Variants in ACYP2 observed in about 807,000 individuals in gnomAD.
The protein encoded by ACYP2 is acylphosphatase 2.
ACYP2 carries 12 observed loss-of-function variants against 11.2 expected under a neutral mutation model. The observed-to-expected ratio is 1.08, with a 90% CI of 0.69 to 1.74. ACYP2 has a LOEUF of 1.74. Among genes scored for constraint, ACYP2 ranks in the 40% most tolerant of loss-of-function variants. The pLI is 0.00. For synonymous variants in ACYP2, 43 were observed against 32.2 expected (o/e 1.33, Z -1.13); for missense variants, 134 against 101.9 (o/e 1.31, Z -1.35).
At chr2:54,101,880 G>A (rs1443588118) in intron 4 of ACYP2, among the ~76,000 whole-genome samples, 1 of 152,020 alleles carries the variant, frequency 6.6e-6, no homozygotes, top group African/African-American at 2.4e-5. Flanking sequence ...TTAACATTTT[G>A]GATTAGTGTG....
At chr2:54,103,232 T>A (rs1463960611) in intron 4 of ACYP2, among the ~76,000 whole-genome samples, 3 of 152,206 alleles carry the variant, frequency 2.0e-5, no homozygotes, top group African/African-American at 7.2e-5. Context: ...TATCAAAAGT[T>A]GGGGAGAAGG....
At chr2:54,023,802 T>TA (rs1251200719) in intron 2 of ACYP2, among the ~76,000 whole-genome samples, 1 of 152,018 alleles carries the variant, frequency 6.6e-6, no homozygotes, top group South Asian at 2.1e-4. Context: ...GAAATGGTAA[T>TA]AAAAAAATTG....
chr2:54,087,816 C>A (rs927609014), intron 4 of ACYP2, among the ~76,000 whole-genome samples: 1 of 152,100 alleles, frequency 6.6e-6, no homozygotes, highest in Non-Finnish European at 1.5e-5. Flanking sequence ...AACCAAGATA[C>A]TGAGAAAAAA....
intron 2 of ACYP2, among the ~76,000 whole-genome samples, chr2:54,006,399 G>A (rs978101052): frequency 4.6e-5 from 7 of 151,900 alleles, no homozygotes; most frequent in Admixed American, 2.0e-4. Flanking sequence ...CACCCGCCTC[G>A]GCCTCCCAAA....
intron 6 of ACYP2, among the ~76,000 whole-genome samples, chr2:54,183,310 AATTT>A (rs1479920301): frequency 1.3e-5 from 2 of 152,218 alleles, no homozygotes; most frequent in Non-Finnish European, 2.9e-5. Context: ...AATGAGTTGT[AATTT>A]ATTCTATAAA....
intron 2 of ACYP2, among the ~76,000 whole-genome samples, chr2:53,980,649 T>C (rs1273791705): frequency 6.6e-6 from 1 of 152,170 alleles, no homozygotes; most frequent in Non-Finnish European, 1.5e-5. Context: ...AGTGACATCC[T>C]AGGCCTTCAC....
chr2:54,117,901 C>T (rs1679905725), intron 4 of ACYP2, among the ~76,000 whole-genome samples: 1 of 152,168 alleles, frequency 6.6e-6, no homozygotes, highest in Non-Finnish European at 1.5e-5. Flanking sequence ...CAATGTGTAG[C>T]CTTTTGTCCC....
intron 4 of ACYP2, among the ~76,000 whole-genome samples, chr2:54,103,290 A>G (rs1346991799): frequency 2.6e-5 from 4 of 152,206 alleles, no homozygotes; most frequent in Non-Finnish European, 5.9e-5. Context: ...TCATTGTTTT[A>G]TTTCACATTC....
At chr2:54,243,466 T>G (rs1175882838) in intron 6 of ACYP2, among the ~76,000 whole-genome samples, 1 of 152,172 alleles carries the variant, frequency 6.6e-6, no homozygotes, top group Non-Finnish European at 1.5e-5. Context: ...TCATACATAG[T>G]CCATCTTATT....
chr2:54,034,663 A>C (rs898749632), intron 2 of ACYP2, among the ~76,000 whole-genome samples: 1 of 152,182 alleles, frequency 6.6e-6, no homozygotes, highest in East Asian at 1.9e-4. Flanking sequence ...CAGTATATTT[A>C]CAACAGGGAT....
chr2:54,170,584 A>G (rs62138029), intron 6 of ACYP2, among the ~76,000 whole-genome samples: 1 of 150,196 alleles, frequency 6.7e-6, no homozygotes, highest in Non-Finnish European at 1.5e-5. Context: ...TTTTTTTAAA[A>G]TCACAGAATA....
chr2:54,283,978 C>T (rs1688961658), intron 6 of ACYP2, among the ~76,000 whole-genome samples: 1 of 152,058 alleles, frequency 6.6e-6, no homozygotes, highest in Non-Finnish European at 1.5e-5. Flanking sequence ...AGCTGGGCAT[C>T]GTGGCACCTG....
chr2:54,159,617 T>G (rs999681934), intron 6 of ACYP2, among the ~76,000 whole-genome samples: 1 of 152,040 alleles, frequency 6.6e-6, no homozygotes. Flanking sequence ...GGGCATAAGA[T>G]GATTAAAGGG....
At chr2:54,263,881 A>C (rs1322075621) in intron 6 of ACYP2, among the ~76,000 whole-genome samples, 3 of 139,412 alleles carry the variant, frequency 2.2e-5, no homozygotes, top group African/African-American at 5.8e-5. Context: ...TGAAACCAGG[A>C]AGCCAGCTTC....
chr2:54,149,165 G>T (rs927885570), intron 6 of ACYP2, among the ~76,000 whole-genome samples: 1 of 152,158 alleles, frequency 6.6e-6, no homozygotes, highest in African/African-American at 2.4e-5. Flanking sequence ...TTTTTAAAAT[G>T]CAATGACAGT....
At chr2:53,997,001 T>A (rs1672604100) in intron 2 of ACYP2, among the ~76,000 whole-genome samples, 1 of 152,214 alleles carries the variant, frequency 6.6e-6, no homozygotes, top group Non-Finnish European at 1.5e-5. Flanking sequence ...AGCCCCAATC[T>A]ACCATTCTGT....
At chr2:54,230,820 CTTTCT>C (rs1315442766) in intron 6 of ACYP2, among the ~76,000 whole-genome samples, 37 of 142,890 alleles carry the variant, frequency 2.6e-4, no homozygotes, top group African/African-American at 9.6e-4. Flanking sequence ...CAATGTATTT[CTTTCT>C]TTTCTTTTTT....
chr2:54,274,272 C>CA (rs1480626299), intron 6 of ACYP2, among the ~76,000 whole-genome samples: 1 of 152,070 alleles, frequency 6.6e-6, no homozygotes, highest in African/African-American at 2.4e-5. Flanking sequence ...AAGAACAGGG[C>CA]AGGAAAGACC....
intron 2 of ACYP2, among the ~76,000 whole-genome samples, chr2:53,981,745 G>T (rs973889477): frequency 1.3e-5 from 2 of 152,034 alleles, no homozygotes; most frequent in African/African-American, 4.8e-5. Context: ...CTATTCTCCT[G>T]CCTCAGAAAC....
Sources: allele counts gnomAD v4.1 joint callset (sites outside exome capture counted in the v4.1 genomes callset), GRCh38; gene constraint gnomAD v4.1.1; transcripts MANE v1.5; gene names NCBI Gene and HGNC (gene_info 2026-07-23, HGNC 2026-07-21).